Variants in FARP1 observed in about 807,000 individuals in gnomAD.
The protein encoded by FARP1 is FERM, ARHGEF and pleckstrin domain-containing protein 1.
A neutral mutation model predicts 128.8 loss-of-function variants in FARP1; 52 were observed. That is an observed-to-expected ratio of 0.40 (90% CI 0.32 to 0.51). The LOEUF is 0.51. FARP1 is among the 20% of genes least tolerant of loss of function. The probability of loss-of-function intolerance (pLI) is 0.45; values close to 1 mark genes in which losing one functional copy is unlikely to be tolerated. For missense variants in FARP1, 1,333 were observed against 1,367.9 expected (o/e 0.97, Z 0.40); for synonymous variants, 580 against 551.8 (o/e 1.05, Z -0.72).
chr13:98,259,616 G>A (rs893554957), intron 2 of FARP1, among the ~76,000 whole-genome samples: 13 of 152,142 alleles, frequency 8.5e-5, no homozygotes, highest in African/African-American at 3.1e-4. Flanking sequence ...TATAAAAATG[G>A]CAGTGTTCAA....
intron 10 of FARP1, 34 bp from the exon 11 acceptor site, chr13:98,390,777 AT>A: frequency 6.5e-7 from 1 of 1,528,294 alleles, no homozygotes; most frequent in Non-Finnish European, 9.1e-7. Flanking sequence ...ATGCCTTGGT[AT>A]TTCTCCCCTT....
At chr13:98,160,036 C>T (rs755499602) in intron 1 of FARP1, among the ~76,000 whole-genome samples, 3 of 152,172 alleles carry the variant, frequency 2.0e-5, no homozygotes, top group Non-Finnish European at 4.4e-5. Flanking sequence ...TTTAGCTTCA[C>T]CTTTGAAGAT....
intron 2 of FARP1, among the ~76,000 whole-genome samples, chr13:98,307,401 G>A (rs1358767323): frequency 6.6e-5 from 10 of 152,100 alleles, no homozygotes; most frequent in African/African-American, 2.4e-4. Flanking sequence ...CGCGTCCCTT[G>A]CCCCGGTTTC....
chr13:98,389,731 T>A (rs1438531054), intron 9 of FARP1: 13 of 419,500 alleles, frequency 3.1e-5, no homozygotes, highest in Non-Finnish European at 5.4e-5. Context: ...GCTGTTTCTG[T>A]TACCCGTCTA....
At chr13:98,360,709 G>C (rs1888836639) in intron 3 of FARP1, among the ~76,000 whole-genome samples, 1 of 152,200 alleles carries the variant, frequency 6.6e-6, no homozygotes, top group Non-Finnish European at 1.5e-5. Context: ...AGAGGCGCCT[G>C]GATTCAGTAA....
intron 3 of FARP1, among the ~76,000 whole-genome samples, chr13:98,359,862 G>A (rs1888793082): frequency 6.6e-6 from 1 of 152,184 alleles, no homozygotes; most frequent in African/African-American, 2.4e-5. Flanking sequence ...GCACACATGT[G>A]TTCCAAACGG....
rs1884689531 is a variant in FARP1 at position 98,277,109 on chromosome 13, T to TACACACACACACGCACACACAC, written c.171+63708_171+63709insGCACACACACACACACACACAC. Among the ~76,000 whole-genome samples, 3 of 118,142 alleles carry TACACACACACACGCACACACAC rather than the reference T, an allele frequency of 2.5e-5. 1 individual carries two copies. The highest frequency in any genetic ancestry group is 5.2e-5 in the Non-Finnish European group (3 of 57,942). 77.5% of individuals were successfully genotyped at this position (118,142 alleles called of 152,430 possible). A position where few individuals can be genotyped will look rare whatever the true frequency, so the allele number is the denominator to read the frequency against. On this transcript the variant is annotated intron_variant, in intron 2 of 26. Coordinates refer to ENST00000319562, the MANE Select transcript of FARP1 (RefSeq NM_005766.4). ...AGCTCTTGGATCTGCTCTAGAAAAA[T>TACACACACACACGCACACACAC]ACACACACACACACACACACACACA...
Position 98,448,451 on chromosome 13 carries a change from C to G in FARP1, c.*134C>G. ...TGGCTTCCCAGCAGCTCTCCTGTCTCCACAGCCGCGTTTTTTAACCCCGAC... is the reference window on the plus strand; with the variant it reads ...TGGCTTCCCAGCAGCTCTCCTGTCTGCACAGCCGCGTTTTTTAACCCCGAC... On this transcript the variant is annotated 3_prime_UTR_variant, in exon 27 of 27. Coordinates refer to ENST00000319562, the MANE Select transcript of FARP1 (RefSeq NM_005766.4). The G allele has an allele frequency of 1.4e-6, 1 of 724,900 alleles. No homozygotes were observed. The highest frequency in any genetic ancestry group is 2.4e-6 in the Non-Finnish European group (1 of 421,124). The allele number at this position is 724,900 out of a possible 1,614,324, so 44.9% of individuals were successfully genotyped here. A position where few individuals can be genotyped will look rare whatever the true frequency, so the allele number is the denominator to read the frequency against.
chr13:98,417,455 G>GGGAAAAAAAAAAAAAAAAAAAAAAA (rs1491453247), intron 16 of FARP1, among the ~76,000 whole-genome samples: 1 of 58,454 alleles, frequency 1.7e-5, no homozygotes, highest in African/African-American at 5.7e-5. Context: ...CCAGAGGTTT[G>GGGAAAAAAAAAAAAAAAAAAAAAAA]AAAAAAAAAA....
intron 2 of FARP1, among the ~76,000 whole-genome samples, chr13:98,246,320 C>T (rs1206703850): frequency 1.7e-5 from 1 of 59,142 alleles, no homozygotes; most frequent in African/African-American, 6.4e-5. Context: ...TGGTCTCGAT[C>T]TCCTGACCTC....
intron 2 of FARP1, among the ~76,000 whole-genome samples, chr13:98,314,649 G>A (rs988068349): frequency 2.6e-5 from 4 of 152,138 alleles, no homozygotes; most frequent in Non-Finnish European, 4.4e-5. Flanking sequence ...AATGTTTGTG[G>A]TGGAATCCTG....
In FARP1 at chr13:98,395,507, G is replaced by C. The variant is rs769400453; in HGVS notation, c.1414+31G>C. ...GCATCCCGGGCTGCCAGAGGCAGCA[G>C]TACTTCCATTCCTTTCATTGACTGC... is the stretch of plus-strand genomic sequence containing the variant. On this transcript the variant is annotated intron_variant, in intron 13 of 26. Transcript: ENST00000319562. 1.9e-6 allele frequency: 3 copies of C among 1,550,622 alleles called. No individual in the cohort carries two copies. In the Admixed American group the frequency reaches 5.8e-5, roughly 30 times the overall value.
rs115879543 is a variant in FARP1, at chr13:98,284,063, T to C, written c.172-59699T>C. On this transcript the variant is annotated intron_variant, in intron 2 of 26. Transcript: ENST00000319562. ...CCTCATGTGGCTGGTGGCTGCCATA[T>C]TGGACAGTGCAGATATATCTAGAAC... Among the ~76,000 whole-genome samples the C allele has an allele frequency of 9.7e-3, 1,482 of 152,372 alleles. 29 individuals carry two copies. The highest frequency in any genetic ancestry group is 0.03 in the African/African-American group (1,238 of 41,588).
At chr13:98,199,115 G>A (rs1330032593) in intron 1 of FARP1, among the ~76,000 whole-genome samples, 1 of 150,774 alleles carries the variant, frequency 6.6e-6, no homozygotes, top group Admixed American at 6.6e-5. Flanking sequence ...ATCCGCTATT[G>A]GCACACCTTT....
intron 2 of FARP1, chr13:98,245,099 A>G (rs895474061): frequency 2.0e-6 from 2 of 1,001,754 alleles, no homozygotes; most frequent in African/African-American, 3.5e-5. Context: ...TGGTCTCTTA[A>G]TTAGATTCTT....
intron 5 of FARP1, among the ~76,000 whole-genome samples, chr13:98,373,096 G>A (rs1402073026): frequency 1.3e-5 from 2 of 152,116 alleles, no homozygotes; most frequent in Admixed American, 6.6e-5. Flanking sequence ...TAATCAGGGG[G>A]AGTCACGTTC....
intron 18 of FARP1, chr13:98,432,323 A>G (rs1892064024): frequency 6.6e-6 from 1 of 152,238 alleles, no homozygotes; most frequent in Non-Finnish European, 1.5e-5. Context: ...GATCAATTGC[A>G]TTATCCCATT....
At position 98,453,343 on chromosome 13, in the gene FARP1, T is replaced by C. The variant is rs1893290693; in HGVS notation, c.*5026T>C. The C allele has an allele frequency of 4.7e-6, 4 of 845,276 alleles. No homozygotes were observed. The South Asian group carries it at 4.9e-5, about 10-fold the overall frequency. The allele number at this position is 845,276 out of a possible 1,614,324, so 52.4% of individuals were successfully genotyped here. ...CAAAAATAAGTGGAGCAAATATCAA[T>C]GTGTAAGTCTAATTTTAAAAGAATG... On this transcript the variant is annotated 3_prime_UTR_variant, in exon 27 of 27. Coordinates refer to ENST00000319562, the MANE Select transcript of FARP1 (RefSeq NM_005766.4).
chr13:98,389,068 C>T (rs1890207462), intron 9 of FARP1, among the ~76,000 whole-genome samples: 2 of 152,238 alleles, frequency 1.3e-5, no homozygotes, highest in East Asian at 3.9e-4. Context: ...TGTCCCCAAC[C>T]AGCGTGTAGA....
Sources: gnomAD v4.1 joint callset for allele counts (sites outside exome capture counted in the v4.1 genomes callset) on GRCh38, gnomAD v4.1.1 for gene constraint, MANE v1.5 for transcripts, NCBI Gene and HGNC (gene_info 2026-07-23, HGNC 2026-07-21) for gene names.